CAPN6: variants seen among roughly 807,000 people sequenced by gnomAD.
CAPN6 encodes the protein calpain 6.
CAPN6 carries 16 observed loss-of-function variants against 46.0 expected under a neutral mutation model. That is an observed-to-expected ratio of 0.35 (90% CI 0.24 to 0.53). The LOEUF (loss-of-function observed/expected upper bound fraction) is 0.53, where lower values mean the gene tolerates loss of function less well. Among genes scored for constraint, CAPN6 ranks in the 20% least tolerant of loss-of-function variants. CAPN6 has a pLI of 0.94. For synonymous variants in CAPN6, 206 were observed against 172.8 expected, an observed-to-expected ratio of 1.19 and a Z score of -1.51; for missense variants, 461 against 498.0, an observed-to-expected ratio of 0.93 and a Z score of 0.71.
intron 3 of CAPN6, among the ~76,000 whole-genome samples, chrX:111,253,472 G>A (rs2094981353): frequency 8.9e-6 from 1 of 112,464 alleles, no homozygotes; most frequent in Admixed American, 9.4e-5. Context: ...GGGACAACCA[G>A]TTAGTGGTTA....
intron 4 of CAPN6, among the ~76,000 whole-genome samples, 172 bp downstream of exon 4, chrX:111,252,836 T>C (rs1375376163): frequency 8.9e-6 from 1 of 111,875 alleles, no homozygotes; most frequent in Non-Finnish European, 1.9e-5. Flanking sequence ...TTCTCTCTCA[T>C]CTAAGATTTC....
rs965379439 is a variant in CAPN6, at chrX:111,247,275, C to T, written c.1743+93G>A. Reference sequence around the variant, plus strand: ...AAACCAAAAAATACGATAATTCTTGCTCTGCATCCTAAACATATATAAGGT... The same window carrying T: ...AAACCAAAAAATACGATAATTCTTGTTCTGCATCCTAAACATATATAAGGT... On this transcript the variant is annotated intron_variant, in intron 12 of 12. Coordinates refer to ENST00000324068, the MANE Select transcript of CAPN6 (RefSeq NM_014289.4). The T allele has an allele frequency of 1.8e-5, 14 of 787,630 alleles. No homozygotes were observed. The African/African-American group carries it at 2.8e-4, about 16-fold the overall frequency. 64.9% of individuals were successfully genotyped at this position (787,630 alleles called of 1,213,427 possible).
At position 111,252,299 on chromosome X, in the gene CAPN6, G is replaced by A. The variant is rs767656057; in HGVS notation, c.699+8C>T. ...AGTATACAGTGGTTGTTTTTCATGA[G>A]TACAAACCTCAATGGAACAGCAGAT... On this transcript the variant is annotated splice_region_variant and intron_variant, in intron 5 of 12. Transcript: ENST00000324068. 2.4e-5 allele frequency: 29 copies of A among 1,186,392 alleles called. No homozygotes were observed. The Admixed American group carries it at 6.3e-4, about 26-fold the overall frequency.
chrX:111,260,353 T>C (rs771983656), intron 2 of CAPN6, among the ~76,000 whole-genome samples: 1 of 113,000 alleles, frequency 8.8e-6, no homozygotes, highest in South Asian at 3.7e-4. Flanking sequence ...TTTGCAGGCA[T>C]GGAGGCTTAC....
At chrX:111,252,280 C>T (rs763349864) in intron 5 of CAPN6, 27 bp downstream of exon 5, 1 of 1,133,475 alleles carries the variant, frequency 8.8e-7, no homozygotes, top group South Asian at 2.1e-5. Flanking sequence ...AATGAGTATA[C>T]AGTGGTTGTT....
At chrX:111,259,802 C>T (rs968404918) in intron 2 of CAPN6, among the ~76,000 whole-genome samples, 2 of 111,515 alleles carry the variant, frequency 1.8e-5, no homozygotes, top group East Asian at 5.7e-4. Context: ...TTTTAAGACA[C>T]TATTGTAGGT....
intron 8 of CAPN6, among the ~76,000 whole-genome samples, chrX:111,249,369 G>A (rs759533405): frequency 2.7e-5 from 3 of 110,408 alleles, no homozygotes; most frequent in Non-Finnish European, 5.7e-5. Flanking sequence ...TATTATTATT[G>A]TTATTATTAT....
rs17882737 is a variant in CAPN6, at chrX:111,253,163, G to A, written c.351C>T (p.Tyr117=). 21,954 of 1,209,172 alleles carry A rather than the reference G, an allele frequency of 0.018. 1,573 individuals are homozygous for A. The African/African-American group carries it at 0.26, about 15-fold the overall frequency. The part of the protein sequence containing the change: ...QEWDPQKTEK[Y]AGIFHFRFWH... ...AGAAACGAAAGTGAAATATCCCAGC[G>A]TATTTTTCTGTTTTTTGAGGGTCCC... Residue 117 remains tyrosine (Y), a synonymous_variant, in exon 4 of 13, where the codon TAC becomes TAT. Transcript: ENST00000324068.
intron 1 of CAPN6, among the ~76,000 whole-genome samples, chrX:111,269,177 C>T (rs2094994198): frequency 9.0e-6 from 1 of 111,340 alleles, no homozygotes; most frequent in African/African-American, 3.3e-5. Context: ...CTATTCCTGA[C>T]CATGTAAGTG....
intron 2 of CAPN6, among the ~76,000 whole-genome samples, chrX:111,260,420 G>T (rs1272321647): frequency 8.8e-6 from 1 of 113,005 alleles, no homozygotes; most frequent in Non-Finnish European, 1.9e-5. Context: ...CAGGTTAATC[G>T]TGTTGCTTCC....
rs2094995195 is a variant in CAPN6 at position 111,270,411 on chromosome X, C to T, written c.-56G>A. ...AGCCCTGCTGCTGCTGCTGCTGCTG[C>T]TGCTGCTGCTGCTGCCGTTGCCGCT... On this transcript the variant is annotated 5_prime_UTR_variant, in exon 1 of 13. Coordinates refer to ENST00000324068, the MANE Select transcript of CAPN6 (RefSeq NM_014289.4). 5.7e-6 allele frequency: 2 copies of T among 352,537 alleles called. No homozygotes were observed. The highest frequency in any genetic ancestry group is 5.6e-6 in the Non-Finnish European group (1 of 177,846). 29.1% of individuals were successfully genotyped at this position (352,537 alleles called of 1,213,427 possible).
Position 111,247,999 on chromosome X carries a change from C to T in CAPN6, c.1485-7G>A, listed in dbSNP as rs770528688. ...CATGTCCAGAGTCAGTTCCCTAGAA[C>T]ATCAAAAATAAAATATTGTCATCAT... is the stretch of plus-strand genomic sequence containing the variant. On this transcript the variant is annotated splice_polypyrimidine_tract_variant and splice_region_variant and intron_variant, in intron 10 of 12. Transcript: ENST00000324068. The T allele has an allele frequency of 7.4e-5, 89 of 1,203,535 alleles. No individual in the cohort carries two copies. The highest frequency in any genetic ancestry group is 9.4e-5 in the Non-Finnish European group (84 of 890,521).
At chrX:111,260,348 A>G (rs1395969156) in intron 2 of CAPN6, among the ~76,000 whole-genome samples, 1 of 113,086 alleles carries the variant, frequency 8.8e-6, no homozygotes, top group East Asian at 2.8e-4. Context: ...TGGTGTTTGC[A>G]GGCATGGAGG....
intron 2 of CAPN6, among the ~76,000 whole-genome samples, chrX:111,258,981 C>A (rs896528791): frequency 3.6e-5 from 4 of 111,586 alleles, no homozygotes; most frequent in South Asian, 7.5e-4. Flanking sequence ...ACAGAATAGG[C>A]AGTTCTGGAT....
chrX:111,268,883 CCAA>C (rs1652453170), intron 1 of CAPN6, among the ~76,000 whole-genome samples: 1 of 112,185 alleles, frequency 8.9e-6, no homozygotes, highest in Non-Finnish European at 1.9e-5. Context: ...CTGGGACCTC[CCAA>C]CGTTTTTTTT....
chrX:111,249,861 G>T (rs867111521), intron 8 of CAPN6, among the ~76,000 whole-genome samples: 5 of 96,013 alleles, frequency 5.2e-5, no homozygotes, highest in Admixed American at 1.1e-4. Context: ...GAAGGAAGGA[G>T]GGAGGGAAGG....
At chrX:111,262,608 C>T (rs2094988735) in intron 2 of CAPN6, among the ~76,000 whole-genome samples, 2 of 111,726 alleles carry the variant, frequency 1.8e-5, no homozygotes, top group African/African-American at 6.5e-5. Context: ...TTCACAACAT[C>T]CTTCTGTGGC....
intron 1 of CAPN6, among the ~76,000 whole-genome samples, chrX:111,268,888 GT>G (rs773452311): frequency 9.0e-6 from 1 of 110,955 alleles, no homozygotes; most frequent in African/African-American, 3.3e-5. Context: ...ACCTCCCAAC[GT>G]TTTTTTTTAA....
Position 111,247,882 on chromosome X carries a change from T to A in CAPN6, c.1595A>T (p.Tyr532Phe). 8.3e-7 allele frequency: 1 copy of A among 1,210,521 alleles called. No individual in the cohort carries two copies. Among genetic ancestry groups the A allele is most frequent in the Non-Finnish European group, 1.1e-6 (1 of 894,818 alleles). ...VHSAEDLEKK[Y>F]ANETVNPYLV... ...CCTGCCATTCTTACTTTCATTGGCA[T>A]ACTTCTTCTCCAGGTCCTCAGCACT... The change falls in exon 11 of 13, where the codon TAT becomes TTT. Residue 532 changes from tyrosine to phenylalanine, a missense_variant. Tyr to Phe is a conservative substitution (Grantham distance 22, BLOSUM62 3). Coordinates refer to ENST00000324068, the MANE Select transcript of CAPN6 (RefSeq NM_014289.4).
Sources: allele counts gnomAD v4.1 joint callset (sites outside exome capture counted in the v4.1 genomes callset), GRCh38; gene constraint gnomAD v4.1.1; transcripts MANE v1.5; gene names NCBI Gene and HGNC (gene_info 2026-07-23, HGNC 2026-07-21).